NELFCD: variants seen among roughly 807,000 people sequenced by gnomAD.
NELFCD encodes negative elongation factor complex member C/D.
In NELFCD, 48 loss-of-function variants were observed where a neutral mutation model predicts 72.9. The observed-to-expected ratio is 0.66, with a 90% CI of 0.52 to 0.84. The LOEUF (loss-of-function observed/expected upper bound fraction) is 0.84, where lower values mean the gene tolerates loss of function less well. Among genes scored for constraint, NELFCD ranks in the 40% least tolerant of loss-of-function variants. NELFCD has a pLI of 0.00. For missense variants in NELFCD, 538 were observed against 723.8 expected, an observed-to-expected ratio of 0.74 and a Z score of 2.94; for synonymous variants, 297 against 280.6, an observed-to-expected ratio of 1.06 and a Z score of -0.59.
Position 58,986,587 on chromosome 20 carries a change from CCCA to C in NELFCD, c.177-164_177-162del, listed in dbSNP as rs1309766210. 1.5e-6 allele frequency: 1 copy of C among 661,006 alleles called. No homozygotes were observed. Among genetic ancestry groups the C allele is most frequent in the Non-Finnish European group, 2.7e-6 (1 of 372,008 alleles). The allele number at this position is 661,006 out of a possible 1,614,324, so 40.9% of individuals were successfully genotyped here. On this transcript the variant is annotated intron_variant, in intron 2 of 14. Transcript: ENST00000652272. The surrounding 1 kb of genome is among the most constrained non-coding windows in gnomAD (Gnocchi z 4.4). ...TGAACTCCTAGGCTCAAGTGATTCT[CCCA>C]CCTCTGCCTCCCAAAGTGCTGGGAT...
intron 1 of NELFCD, among the ~76,000 whole-genome samples, chr20:58,984,518 G>A (rs1286894738): frequency 1.3e-5 from 2 of 152,206 alleles, no homozygotes; most frequent in Non-Finnish European, 2.9e-5. Flanking sequence ...GTGACAGGAT[G>A]TGGGGGTGGG....
rs762028433 is a variant in NELFCD, at chr20:58,993,095, C to G, written c.1327C>G (p.Leu443Val). The G allele has an allele frequency of 2.5e-6, 4 of 1,613,952 alleles. No homozygotes were observed. Among genetic ancestry groups the G allele is most frequent in the South Asian group, 2.2e-5 (2 of 91,080 alleles). The part of the protein sequence containing the change: ...QLQTDHTPVH[L>V]ALLDEISTCH... ...GCAGACTGACCATACCCCTGTCCAC[C>G]TGGCGTTGCTGGATGAGGTAAGAGG... The change falls in exon 11 of 15, where the codon CTG (leucine) becomes GTG (valine). Residue 443 changes from leucine (L) to valine (V), a missense_variant. This residue lies in a region of NELFCD where 355 missense variants were observed against 534.5 expected (regional missense o/e 0.66). Transcript: ENST00000652272. The surrounding 1 kb of genome is among the most constrained non-coding windows in gnomAD (Gnocchi z 5.0).
chr20:58,989,345 A>G, intron 5 of NELFCD, 143 bp from the exon 6 acceptor site: 1 of 928,330 alleles, frequency 1.1e-6, no homozygotes, highest in Non-Finnish European at 1.7e-6. Context: ...CCTAGGTGAT[A>G]GCAGGGTGAG....
At chr20:58,985,633 G>A (rs1243225894) in intron 1 of NELFCD, among the ~76,000 whole-genome samples, 1 of 152,152 alleles carries the variant, frequency 6.6e-6, no homozygotes, top group Non-Finnish European at 1.5e-5. Flanking sequence ...CAAGAATCAG[G>A]TTGTTACTCT....
chr20:58,985,612 G>A (rs1167379012), intron 1 of NELFCD, among the ~76,000 whole-genome samples: 2 of 152,186 alleles, frequency 1.3e-5, no homozygotes, highest in Non-Finnish European at 2.9e-5. Context: ...GTAAGTGATG[G>A]CTCACGCTTT....
At chr20:58,992,316 T>C (rs544548963) in intron 10 of NELFCD, among the ~76,000 whole-genome samples, 1 of 152,294 alleles carries the variant, frequency 6.6e-6, no homozygotes, top group African/African-American at 2.4e-5. Flanking sequence ...CCACAAAGTA[T>C]TGCTTACATA....
rs1555897642 is a variant in NELFCD at position 58,993,006 on chromosome 20, T to A, written c.1238T>A (p.Val413Glu). 1.2e-6 allele frequency: 2 copies of A among 1,613,216 alleles called. No individual in the cohort carries two copies. Among genetic ancestry groups the A allele is most frequent in the Admixed American group, 3.3e-5 (2 of 60,014 alleles). ...STLYQCIRFP[V>E]VAMGVLKWVD... ...TTCTGCCTTAACTGTAGGTTTCCAGTGGTAGCAATGGGTGTGCTGAAGTGG... is the reference window on the plus strand; with the variant it reads ...TTCTGCCTTAACTGTAGGTTTCCAGAGGTAGCAATGGGTGTGCTGAAGTGG... The change falls in exon 11 of 15, where the codon GTG becomes GAG. Residue 413 changes from valine (V) to glutamate (E), a missense_variant. Coordinates refer to ENST00000652272, the MANE Select transcript of NELFCD (RefSeq NM_198976.4). This position sits in a 1 kb window ranked among gnomAD's most constrained non-coding sequence, Gnocchi z 5.0.
intron 1 of NELFCD, among the ~76,000 whole-genome samples, chr20:58,983,007 C>T (rs1250707804): frequency 6.6e-6 from 1 of 152,008 alleles, no homozygotes; most frequent in Non-Finnish European, 1.5e-5. Context: ...GGACCCAAAC[C>T]CACATCCTTT....
chr20:58,989,722 G>T, intron 6 of NELFCD, 82 bp downstream of exon 6: 1 of 1,606,430 alleles, frequency 6.2e-7, no homozygotes, highest in South Asian at 1.1e-5. Flanking sequence ...CTCCTTCCCT[G>T]GAGAGAATCT....
chr20:58,984,222 G>A (rs1322793035), intron 1 of NELFCD, among the ~76,000 whole-genome samples: 1 of 152,112 alleles, frequency 6.6e-6, no homozygotes, highest in Non-Finnish European at 1.5e-5. Context: ...AGTGGTGAGA[G>A]GTCAGAACGG....
Position 58,993,126 on chromosome 20 carries a change from G to C in NELFCD, c.1344+14G>C, listed in dbSNP as rs1161634329. ...TTGCTGGATGAGGTAAGAGGGCGGA[G>C]AGCTGTTCACAGCCTACACAGTGTC... On this transcript the variant is annotated intron_variant, in intron 11 of 14. Transcript: ENST00000652272. This position sits in a 1 kb window ranked among gnomAD's most constrained non-coding sequence, Gnocchi z 5.0. 6.3e-7 allele frequency: 1 copy of C among 1,587,534 alleles called. No individual in the cohort carries two copies. Among genetic ancestry groups the C allele is most frequent in the Non-Finnish European group, 8.7e-7 (1 of 1,155,780 alleles).
Position 58,991,135 on chromosome 20 carries a change from G to A in NELFCD, c.954+60G>A. ...GGTAAGGTGACTTTGGAAAGTCTGTGCTTGTCTGATTGTCTGAAGGCTGTG... is the reference window on the plus strand; with the variant it reads ...GGTAAGGTGACTTTGGAAAGTCTGTACTTGTCTGATTGTCTGAAGGCTGTG... On this transcript the variant is annotated intron_variant, in intron 8 of 14. Transcript: ENST00000652272. 3 of 1,587,572 alleles carry A rather than the reference G, an allele frequency of 1.9e-6. No homozygotes were observed. In the South Asian group the frequency reaches 3.4e-5, roughly 18 times the overall value.
chr20:58,986,162 A>C lies in NELFCD; in HGVS notation c.130A>C (p.Thr44Pro). ...VQQECLHKFS[T>P]RDYIMEPSIF... ...GCAAGAATGCCTGCATAAATTTTCCACCCGGGATTATATCATGGAACCCTC... is the reference window on the plus strand; with the variant it reads ...GCAAGAATGCCTGCATAAATTTTCCCCCCGGGATTATATCATGGAACCCTC... Residue 44 changes from threonine (T) to proline (P), a missense_variant, in exon 2 of 15, where the codon ACC becomes CCC. Coordinates refer to ENST00000652272, the MANE Select transcript of NELFCD (RefSeq NM_198976.4). This position sits in a 1 kb window ranked among gnomAD's most constrained non-coding sequence, Gnocchi z 4.4. The C allele has an allele frequency of 6.2e-7, 1 of 1,612,908 alleles. No homozygotes were observed. Among genetic ancestry groups the C allele is most frequent in the Non-Finnish European group, 8.5e-7 (1 of 1,179,042 alleles).
rs764448671 is a variant in NELFCD, at chr20:58,986,232, TGGG to T, written c.176+25_176+27del. 3.4e-6 allele frequency: 5 copies of T among 1,472,058 alleles called. No individual in the cohort carries two copies. The South Asian group carries it at 5.7e-5, about 17-fold the overall frequency. The allele number at this position is 1,472,058 out of a possible 1,614,324, so 91.2% of individuals were successfully genotyped here. A position where few individuals can be genotyped will look rare whatever the true frequency, so the allele number is the denominator to read the frequency against. ...AGGTATGTGAGAAAGGTGTCTGTATTGGGAGGAGGCTGGGGGTAATTTAGAGAA... is the reference window on the plus strand; with the variant it reads ...AGGTATGTGAGAAAGGTGTCTGTATTAGGAGGCTGGGGGTAATTTAGAGAA... On this transcript the variant is annotated intron_variant, in intron 2 of 14. Transcript: ENST00000652272. The surrounding 1 kb of genome is among the most constrained non-coding windows in gnomAD (Gnocchi z 4.4).
rs1383812410 is a variant in NELFCD, at chr20:58,989,402, C to T, written c.505-86C>T. On this transcript the variant is annotated intron_variant, in intron 5 of 14. Transcript: ENST00000652272. ...CCACGACCAGCGCACACTTACTCCA[C>T]CTCACCATGAACACTGACAAGCCAG... 14 of 1,510,304 alleles carry T rather than the reference C, an allele frequency of 9.3e-6. No individual in the cohort carries two copies. The South Asian group carries it at 1.3e-4, about 14-fold the overall frequency. The allele number at this position is 1,510,304 out of a possible 1,614,324, so 93.6% of individuals were successfully genotyped here.
In NELFCD at chr20:58,993,840, T is replaced by C; in HGVS notation, c.1581+76T>C. On this transcript the variant is annotated intron_variant, in intron 13 of 14. Coordinates refer to ENST00000652272, the MANE Select transcript of NELFCD (RefSeq NM_198976.4). This position sits in a 1 kb window ranked among gnomAD's most constrained non-coding sequence, Gnocchi z 5.0. Reference sequence around the variant, plus strand: ...GCCCTTTTTGGCTTAATTTAGTTCATTTTGTACCTAACTGAGAACTGTGCT... The same window carrying C: ...GCCCTTTTTGGCTTAATTTAGTTCACTTTGTACCTAACTGAGAACTGTGCT... 6.7e-7 allele frequency: 1 copy of C among 1,494,176 alleles called. No homozygotes were observed. The highest frequency in any genetic ancestry group is 9.2e-7 in the Non-Finnish European group (1 of 1,088,638). 92.6% of individuals were successfully genotyped at this position (1,494,176 alleles called of 1,614,324 possible). A position where few individuals can be genotyped will look rare whatever the true frequency, so the allele number is the denominator to read the frequency against.
chr20:58,988,789 C>G (rs1359877127), intron 4 of NELFCD, 125 bp from the exon 5 acceptor site: 3 of 679,322 alleles, frequency 4.4e-6, no homozygotes, highest in African/African-American at 1.8e-5. Flanking sequence ...TCTGCCTCCC[C>G]CAGAACTAGA....
In NELFCD at chr20:58,981,291, G is replaced by GA; in HGVS notation, c.-19_-18insA. The GA allele has an allele frequency of 9.3e-7, 1 of 1,072,340 alleles. No homozygotes were observed. The highest frequency in any genetic ancestry group is 1.1e-6 in the Non-Finnish European group (1 of 883,762). The allele number at this position is 1,072,340 out of a possible 1,614,324, so 66.4% of individuals were successfully genotyped here. A position where few individuals can be genotyped will look rare whatever the true frequency, so the allele number is the denominator to read the frequency against. On this transcript the variant is annotated 5_prime_UTR_variant, in exon 1 of 15. Coordinates refer to ENST00000652272, the MANE Select transcript of NELFCD (RefSeq NM_198976.4). ...CTCGCTCGCGGGAGGGCATGGCGGG[G>GA]GCCGTGCCGGGCGCCATCATGGACG...
At position 58,986,497 on chromosome 20, in the gene NELFCD, G is replaced by T; in HGVS notation, c.177-257G>T. The T allele has an allele frequency of 1.8e-6, 1 of 556,996 alleles. No homozygotes were observed. Among genetic ancestry groups the T allele is most frequent in the Non-Finnish European group, 3.1e-6 (1 of 318,084 alleles). 34.5% of individuals were successfully genotyped at this position (556,996 alleles called of 1,614,324 possible). On this transcript the variant is annotated intron_variant, in intron 2 of 14. Transcript: ENST00000652272. The surrounding 1 kb of genome is among the most constrained non-coding windows in gnomAD (Gnocchi z 4.4). ...GGCCACCACAGGCGTCTGCCATCAT[G>T]CCTGGCTATTTTTGTTTTTGTTTTT...
Sources: allele counts gnomAD v4.1 joint callset (sites outside exome capture counted in the v4.1 genomes callset), GRCh38; gene constraint gnomAD v4.1.1; regional missense constraint gnomAD v4.1.1; non-coding constraint Gnocchi (gnomAD v3.1); transcripts MANE v1.5; gene names NCBI Gene and HGNC (gene_info 2026-07-23, HGNC 2026-07-21).